Variants in AGBL4 observed in about 807,000 individuals in gnomAD.
AGBL4 encodes cytosolic carboxypeptidase 6.
Under a neutral mutation model 66.4 loss-of-function variants are expected in AGBL4, and 58 were observed. The observed-to-expected ratio is 0.87, with a 90% confidence interval of 0.71 to 1.09. The LOEUF (loss-of-function observed/expected upper bound fraction) is 1.09, where lower values mean the gene tolerates loss of function less well. AGBL4 is among the 50% of genes least tolerant of loss of function. The probability of loss-of-function intolerance (pLI) is 0.00; values close to 1 mark genes in which losing one functional copy is unlikely to be tolerated. For synonymous variants in AGBL4, 234 were observed against 222.9 expected, an observed-to-expected ratio of 1.05 and a Z score of -0.44; for missense variants, 579 against 631.0, an observed-to-expected ratio of 0.92 and a Z score of 0.88.
chr1:49,877,402 A>G (rs1486196711), intron 1 of AGBL4, among the ~76,000 whole-genome samples: 1 of 152,054 alleles, frequency 6.6e-6, no homozygotes, highest in Non-Finnish European at 1.5e-5. Context: ...CTTTTTCTGC[A>G]TCTATTGAGA....
chr1:48,984,009 T>C (rs1305486283), intron 5 of AGBL4, among the ~76,000 whole-genome samples: 1 of 152,092 alleles, frequency 6.6e-6, no homozygotes, highest in Admixed American at 6.6e-5. Context: ...CTGTTATAGG[T>C]AAGGCATGCC....
chr1:48,966,280 G>T (rs1241006135), intron 5 of AGBL4, among the ~76,000 whole-genome samples: 3 of 152,096 alleles, frequency 2.0e-5, no homozygotes, highest in Non-Finnish European at 4.4e-5. Context: ...ATTGAAAAAG[G>T]GGCCCAAGAT....
chr1:48,619,618 G>A (rs1053995656), intron 9 of AGBL4, among the ~76,000 whole-genome samples: 1 of 152,192 alleles, frequency 6.6e-6, no homozygotes, highest in Admixed American at 6.5e-5. Context: ...ATTCGCCTTA[G>A]CAGTTGGAGG....
intron 3 of AGBL4, among the ~76,000 whole-genome samples, chr1:49,298,158 C>T (rs531942340): frequency 6.6e-6 from 1 of 152,272 alleles, no homozygotes; most frequent in Non-Finnish European, 1.5e-5. Flanking sequence ...CAGAAGAAGT[C>T]GACCCAGGCC....
At chr1:49,592,567 C>CA (rs1437247979) in intron 3 of AGBL4, among the ~76,000 whole-genome samples, 4 of 151,620 alleles carry the variant, frequency 2.6e-5, no homozygotes, top group Admixed American at 2.0e-4. Context: ...GGCTCTGTCT[C>CA]AAAAAAACAA....
intron 4 of AGBL4, among the ~76,000 whole-genome samples, chr1:49,207,687 G>A (rs1648347259): frequency 1.3e-5 from 2 of 150,968 alleles, no homozygotes; most frequent in Admixed American, 1.3e-4. Context: ...GACTTCCCGG[G>A]GTCCAGTGAT....
chr1:49,450,341 G>A (rs1646250899), intron 3 of AGBL4, among the ~76,000 whole-genome samples: 1 of 152,062 alleles, frequency 6.6e-6, no homozygotes. Context: ...GAGATAAAGT[G>A]AGAAGAGCAG....
intron 5 of AGBL4, among the ~76,000 whole-genome samples, chr1:48,951,006 TATC>T (rs1431783498): frequency 1.3e-5 from 2 of 152,326 alleles, no homozygotes; most frequent in African/African-American, 4.8e-5. Flanking sequence ...AGTAAACTAA[TATC>T]ATATAAGATT....
intron 3 of AGBL4, among the ~76,000 whole-genome samples, chr1:49,518,799 C>G (rs1193901838): frequency 1.3e-5 from 2 of 151,978 alleles, no homozygotes; most frequent in East Asian, 3.9e-4. Context: ...TACTTAAATG[C>G]AATTGTATTA....
chr1:49,909,967 C>T (rs900932161), intron 1 of AGBL4, among the ~76,000 whole-genome samples: 2 of 152,006 alleles, frequency 1.3e-5, no homozygotes, highest in African/African-American at 2.4e-5. Context: ...ATTAGATATC[C>T]AAGTAAAGAT....
intron 3 of AGBL4, among the ~76,000 whole-genome samples, chr1:49,286,183 A>G (rs1644404712): frequency 6.6e-6 from 1 of 152,234 alleles, no homozygotes; most frequent in Non-Finnish European, 1.5e-5. Flanking sequence ...AAAAACTCTC[A>G]ATAAATTAGG....
At chr1:48,946,925 G>A (rs975107949) in intron 5 of AGBL4, among the ~76,000 whole-genome samples, 2 of 152,132 alleles carry the variant, frequency 1.3e-5, no homozygotes, top group African/African-American at 4.8e-5. Context: ...CCAACACTGG[G>A]GCCTAAGGGC....
chr1:48,759,260 C>T, intron 6 of AGBL4: 3 of 1,565,930 alleles, frequency 1.9e-6, no homozygotes, highest in East Asian at 2.4e-5. Context: ...TGCGCCACTT[C>T]GCTCGGCTTC....
chr1:48,771,489 G>A (rs906324438), intron 6 of AGBL4, among the ~76,000 whole-genome samples: 29 of 152,190 alleles, frequency 1.9e-4, no homozygotes, highest in African/African-American at 7.0e-4. Context: ...ATTGGTGGTT[G>A]TTGAACATGA....
intron 9 of AGBL4, among the ~76,000 whole-genome samples, chr1:48,629,250 G>A (rs1182417519): frequency 2.0e-5 from 3 of 152,124 alleles, no homozygotes; most frequent in African/African-American, 7.2e-5. Context: ...CCTGTCTGTG[G>A]CCTTGTGGGT....
chr1:49,716,203 T>C (rs150406184), intron 2 of AGBL4, among the ~76,000 whole-genome samples: 1 of 152,286 alleles, frequency 6.6e-6, no homozygotes, highest in East Asian at 1.9e-4. Context: ...ACTTATTAAA[T>C]AGGGAATCCT....
chr1:49,004,112 C>T (rs1661597010), intron 5 of AGBL4, among the ~76,000 whole-genome samples: 1 of 152,192 alleles, frequency 6.6e-6, no homozygotes, highest in African/African-American at 2.4e-5. Flanking sequence ...CTTCATTGAG[C>T]CTCCCTCTCT....
intron 2 of AGBL4, among the ~76,000 whole-genome samples, chr1:49,830,526 G>A (rs558205131): frequency 3.9e-5 from 6 of 152,256 alleles, no homozygotes; most frequent in Admixed American, 3.9e-4. Flanking sequence ...CAGATGGATA[G>A]AACGCAAAAT....
chr1:49,590,007 C>A (rs934046702), intron 3 of AGBL4, among the ~76,000 whole-genome samples: 9 of 152,006 alleles, frequency 5.9e-5, no homozygotes, highest in African/African-American at 9.7e-5. Context: ...TAAAAGTATA[C>A]CCCTTACAGT....
Sources: allele counts gnomAD v4.1 joint callset (sites outside exome capture counted in the v4.1 genomes callset), GRCh38; gene constraint gnomAD v4.1.1; transcripts MANE v1.5; gene names NCBI Gene and HGNC (gene_info 2026-07-23, HGNC 2026-07-21).